DIAPH2: variants seen among roughly 807,000 people sequenced by gnomAD.
The protein encoded by DIAPH2 is protein diaphanous homolog 2.
A neutral mutation model predicts 92.7 loss-of-function variants in DIAPH2; 35 were observed. The ratio of observed to expected loss-of-function variants is 0.38; its 90% CI spans 0.29 to 0.50. The LOEUF (loss-of-function observed/expected upper bound fraction) is 0.50, where lower values mean the gene tolerates loss of function less well. DIAPH2 is among the 20% of genes least tolerant of loss of function. The pLI is 0.94. For missense variants in DIAPH2, 701 were observed against 819.5 expected, an observed-to-expected ratio of 0.86 and a Z score of 1.77; for synonymous variants, 301 against 280.4, an observed-to-expected ratio of 1.07 and a Z score of -0.73.
intron 9 of DIAPH2, among the ~76,000 whole-genome samples, chrX:96,926,154 CTG>C (rs1273729302): frequency 3.6e-5 from 4 of 111,096 alleles, no homozygotes; most frequent in Non-Finnish European, 7.6e-5. Context: ...CCCCATAGCT[CTG>C]TGAATTGTGA....
At chrX:97,422,258 T>C (rs1373068542) in intron 25 of DIAPH2, among the ~76,000 whole-genome samples, 1 of 111,076 alleles carries the variant, frequency 9.0e-6, no homozygotes, top group Non-Finnish European at 1.9e-5. Context: ...GATATTTAGA[T>C]TTTATTATCT....
rs1270579141 is a variant in DIAPH2, at chrX:96,704,929, C to A, written c.132+19739C>A. On this transcript the variant is annotated intron_variant, in intron 1 of 26. Coordinates refer to ENST00000324765, the MANE Select transcript of DIAPH2 (RefSeq NM_006729.5). ...GAACTTCTCTTCCTCCCTCCACGTA[C>A]TTACTCCAAGGGAAGAATGCATTCA... 6.5e-5 allele frequency among the ~76,000 whole-genome samples: 7 copies of A among 107,319 alleles called. No homozygotes were observed. The East Asian group carries it at 1.5e-3, about 23-fold the overall frequency. 93.2% of individuals were successfully genotyped at this position (107,319 alleles called of 115,157 possible). A position where few individuals can be genotyped will look rare whatever the true frequency, so the allele number is the denominator to read the frequency against.
rs779223759 is a variant in DIAPH2 at position 97,166,030 on chromosome X, T to A, written c.2719+24236T>A. ...TTAAGAGAGATGTTAATACTGTGCG[T>A]TCATTGAGAATAACCAAATGGATGT... is the stretch of plus-strand genomic sequence containing the variant. On this transcript the variant is annotated intron_variant, in intron 22 of 26. Transcript: ENST00000324765. Among the ~76,000 whole-genome samples the A allele has an allele frequency of 2.7e-5, 3 of 111,093 alleles. No individual in the cohort carries two copies. In the East Asian group the frequency reaches 8.5e-4, roughly 32 times the overall value.
At chrX:97,165,562 C>T (rs1331452742) in intron 22 of DIAPH2, among the ~76,000 whole-genome samples, 4 of 110,835 alleles carry the variant, frequency 3.6e-5, no homozygotes, top group Non-Finnish European at 3.8e-5. Flanking sequence ...GGCGCCATCT[C>T]GGCTCACTGC....
At chrX:97,558,645 G>A (rs868408503) in intron 26 of DIAPH2, among the ~76,000 whole-genome samples, 17 of 111,635 alleles carry the variant, frequency 1.5e-4, no homozygotes, top group South Asian at 1.5e-3. Flanking sequence ...TTTGGAAGAA[G>A]AAATTAGAGC....
intron 26 of DIAPH2, among the ~76,000 whole-genome samples, chrX:97,559,335 CA>C (rs1214590957): frequency 9.0e-6 from 1 of 110,561 alleles, no homozygotes; most frequent in African/African-American, 3.3e-5. Context: ...ACTAAAAACA[CA>C]AAAATTAGCT....
Position 97,067,630 on chromosome X carries a change from A to T in DIAPH2, c.2051-5311A>T, listed in dbSNP as rs188022945. 3.5e-3 allele frequency among the ~76,000 whole-genome samples: 389 copies of T among 111,886 alleles called. 3 individuals carry two copies. The highest frequency in any genetic ancestry group is 0.012 in the African/African-American group (382 of 30,874). On this transcript the variant is annotated intron_variant, in intron 17 of 26. Coordinates refer to ENST00000324765, the MANE Select transcript of DIAPH2 (RefSeq NM_006729.5). Reference sequence around the variant, plus strand: ...TAGTCTATGTTTTTATAATTTTGCTACATATATACTCATCCATCAACAATA... The same window carrying T: ...TAGTCTATGTTTTTATAATTTTGCTTCATATATACTCATCCATCAACAATA...
In DIAPH2 at chrX:97,141,784, T is replaced by C; in HGVS notation, c.2709T>C (p.Ser903=). The C allele has an allele frequency of 8.3e-7, 1 of 1,203,807 alleles. No individual in the cohort carries two copies. The highest frequency in any genetic ancestry group is 1.1e-6 in the Non-Finnish European group (1 of 892,822). Residue 903 remains serine (S), a synonymous_variant, in exon 22 of 27, where the codon AGT becomes AGC. Coordinates refer to ENST00000324765, the MANE Select transcript of DIAPH2 (RefSeq NM_006729.5). ...CTGAAGAACTGGAACACGTAGAAAG[T>C]GCAAGCAAAGGTAATTGATTTATAA... is the stretch of plus-strand genomic sequence containing the variant. The part of the protein sequence containing the change: ...KFPEELEHVE[S]ASKVSAQILK...
chrX:96,844,340 A>G (rs1217031522), intron 4 of DIAPH2, among the ~76,000 whole-genome samples: 2 of 111,998 alleles, frequency 1.8e-5, no homozygotes, highest in Admixed American at 1.9e-4. Context: ...CCATCAATCA[A>G]TTTTTTCTTT....
chrX:97,354,843 T>A (rs749587647), intron 24 of DIAPH2, among the ~76,000 whole-genome samples: 34 of 112,625 alleles, frequency 3.0e-4, no homozygotes, highest in Non-Finnish European at 7.5e-5. Flanking sequence ...TAGAACAAGA[T>A]AATAGCAAGT....
chrX:97,235,409 T>C (rs765281134), intron 22 of DIAPH2, among the ~76,000 whole-genome samples: 1 of 110,076 alleles, frequency 9.1e-6, no homozygotes, highest in Non-Finnish European at 1.9e-5. Flanking sequence ...ATGGAGACCA[T>C]CCTGGCCAAC....
intron 23 of DIAPH2, among the ~76,000 whole-genome samples, chrX:97,275,793 A>G (rs1489666831): frequency 9.6e-6 from 1 of 104,474 alleles, no homozygotes; most frequent in South Asian, 4.3e-4. Flanking sequence ...CACTTCCCAG[A>G]CTGGGCAGCC....
At position 97,254,698 on chromosome X, in the gene DIAPH2, A is replaced by T. The variant is rs757245281; in HGVS notation, c.2844+6859A>T. 5.0e-3 allele frequency among the ~76,000 whole-genome samples: 541 copies of T among 108,187 alleles called. 2 individuals are homozygous for T. Among genetic ancestry groups the T allele is most frequent in the African/African-American group, 0.017 (508 of 29,401 alleles). 93.9% of individuals were successfully genotyped at this position (108,187 alleles called of 115,157 possible). On this transcript the variant is annotated intron_variant, in intron 23 of 26. Coordinates refer to ENST00000324765, the MANE Select transcript of DIAPH2 (RefSeq NM_006729.5). ...ACTATTACTAACTTTATTTTATTTT[A>T]TTTATTTTATTTTATTTTATTTTAT...
intron 13 of DIAPH2, 27 bp from the exon 14 acceptor site, chrX:96,945,500 C>T (rs778533688): frequency 2.2e-5 from 25 of 1,130,357 alleles, no homozygotes; most frequent in Admixed American, 8.4e-5. Flanking sequence ...GCCATAATTT[C>T]GAATCACTTT....
chrX:96,806,144 T>A (rs2064622689), intron 4 of DIAPH2, among the ~76,000 whole-genome samples: 1 of 111,425 alleles, frequency 9.0e-6, no homozygotes, highest in Admixed American at 9.6e-5. Flanking sequence ...TTTTACAGGA[T>A]GTTTGGTGAT....
intron 26 of DIAPH2, among the ~76,000 whole-genome samples, chrX:97,579,255 G>A: frequency 9.1e-6 from 1 of 110,319 alleles, no homozygotes; most frequent in Non-Finnish European, 1.9e-5. Flanking sequence ...CCATGCCTAT[G>A]TCCTGAATGG....
At chrX:96,977,066 G>C (rs2065966597) in intron 17 of DIAPH2, among the ~76,000 whole-genome samples, 1 of 111,208 alleles carries the variant, frequency 9.0e-6, no homozygotes, top group Non-Finnish European at 1.9e-5. Flanking sequence ...CTGTAACAAT[G>C]ACTTTTAATG....
At chrX:96,722,358 G>GAA (rs758634410) in intron 1 of DIAPH2, among the ~76,000 whole-genome samples, 1 of 102,880 alleles carries the variant, frequency 9.7e-6, no homozygotes, top group Non-Finnish European at 2.0e-5. Flanking sequence ...CTCCGTCTTA[G>GAA]AAAAAAAAAA....
At chrX:96,760,967 G>A (rs1325368198) in intron 4 of DIAPH2, among the ~76,000 whole-genome samples, 1 of 111,153 alleles carries the variant, frequency 9.0e-6, no homozygotes, top group African/African-American at 3.3e-5. Context: ...TGGATCTGAC[G>A]TAGGGTAATA....
Sources: gnomAD v4.1 joint callset for allele counts (sites outside exome capture counted in the v4.1 genomes callset) on GRCh38, gnomAD v4.1.1 for gene constraint, MANE v1.5 for transcripts, NCBI Gene and HGNC (gene_info 2026-07-23, HGNC 2026-07-21) for gene names.